The following ZFYVE26 variants were observed in gnomAD, a reference collection of about 807,000 sequenced individuals.
The protein encoded by ZFYVE26 is zinc finger FYVE-type containing 26.
Under a neutral mutation model 276.5 loss-of-function variants are expected in ZFYVE26, and 181 were observed. The ratio of observed to expected loss-of-function variants is 0.65; its 90% CI spans 0.58 to 0.74. ZFYVE26 has a LOEUF of 0.74. Among genes scored for constraint, ZFYVE26 ranks in the 30% least tolerant of loss-of-function variants. ZFYVE26 has a pLI of 0.00. For missense variants in ZFYVE26, 2,821 were observed against 3,097.9 expected, an observed-to-expected ratio of 0.91 and a Z score of 2.12; for synonymous variants, 1,129 against 1,203.1, an observed-to-expected ratio of 0.94 and a Z score of 1.27.
At chr14:67,743,443 A>G (rs1405802172), downstream of ZFYVE26, among the ~76,000 whole-genome samples, 1 of 151,980 alleles carries the variant, frequency 6.6e-6, no homozygotes, top group Non-Finnish European at 1.5e-5. Context: ...GTGAGCTGTG[A>G]TCACACCACT....
exon 14 of ZFYVE26, chr14:67,729,673 G>A: frequency 1.7e-6 from 1 of 587,064 alleles, no homozygotes; most frequent in Non-Finnish European, 3.2e-6. Context: ...TTATGCCATG[G>A]AGATCTGGAT....
chr14:67,769,717 T>C lies in ZFYVE26; in HGVS notation c.5498A>G (p.His1833Arg). ...TAGCCGGCCACAGCGGCGACAATGA[T>C]GACGCCTGTTAAACTGAGGAATGCC... The part of the protein sequence containing the change: ...REHFTMFNRR[H>R]HCRRCGRLVC... Residue 1833 changes from histidine to arginine, a missense_variant, in exon 29 of 42, where the codon CAT (histidine) becomes CGT (arginine). His to Arg is a conservative substitution (Grantham distance 29). Transcript: ENST00000347230. 6.2e-7 allele frequency: 1 copy of C among 1,614,060 alleles called. No homozygotes were observed.
At chr14:67,806,242 T>C (rs1434886520) in intron 6 of ZFYVE26, among the ~76,000 whole-genome samples, 1 of 152,218 alleles carries the variant, frequency 6.6e-6, no homozygotes, top group Non-Finnish European at 1.5e-5. Flanking sequence ...AATTCTCCTG[T>C]CAGCTAGGCA....
rs781144742 is a variant in ZFYVE26, at chr14:67,762,379, C to T, written c.6193G>A (p.Ala2065Thr). Residue 2065 changes from alanine (A) to threonine (T), a missense_variant, in exon 34 of 42, where the codon GCG becomes ACG. Ala to Thr is a moderately conservative substitution (Grantham distance 58, BLOSUM62 0). Coordinates refer to ENST00000347230, the MANE Select transcript of ZFYVE26 (RefSeq NM_015346.4). ...STKTGLDTTG[A>T]WHAWGMACLK... is the part of the protein sequence containing the mutation. ...CAGGCCATGCCCCAAGCATGCCACG[C>T]CCCGGTGGTATCAAGCCCAGTCTTT... The T allele has an allele frequency of 6.2e-7, 1 of 1,614,124 alleles. No individual in the cohort carries two copies. Among genetic ancestry groups the T allele is most frequent in the Admixed American group, 1.7e-5 (1 of 60,014 alleles).
intron 5 of ZFYVE26, 148 bp from the exon 6 acceptor site, chr14:67,806,823 A>T: frequency 1.1e-6 from 1 of 937,180 alleles, no homozygotes; most frequent in Non-Finnish European, 1.6e-6. Flanking sequence ...TATCTTAAAG[A>T]ATCTTTACTT....
intron 39 of ZFYVE26, among the ~76,000 whole-genome samples, chr14:67,753,100 T>C (rs750226849): frequency 6.6e-6 from 1 of 152,160 alleles, no homozygotes; most frequent in African/African-American, 2.4e-5. Flanking sequence ...TGACTAATCA[T>C]GTATGAAGCC....
At chr14:67,795,491 A>G (rs1156746049) in intron 12 of ZFYVE26, among the ~76,000 whole-genome samples, 2 of 152,214 alleles carry the variant, frequency 1.3e-5, no homozygotes, top group African/African-American at 4.8e-5. Flanking sequence ...GCAGGGTCGC[A>G]GGTCACTTTA....
Position 67,780,348 on chromosome 14 carries a change from A to G in ZFYVE26, c.4570-3T>C. 1 of 1,611,754 alleles carries G rather than the reference A, an allele frequency of 6.2e-7. No homozygotes were observed. Among genetic ancestry groups the G allele is most frequent in the Non-Finnish European group, 8.5e-7 (1 of 1,179,004 alleles). On this transcript the variant is annotated splice_polypyrimidine_tract_variant and splice_region_variant and intron_variant, in intron 22 of 41. Transcript: ENST00000347230. ...GGGGGAGACTGCAAACCCAGAATCT[A>G]AGGAAAGACAAGAAAATCCGTCAAA...
At position 67,746,559 on chromosome 14, in the gene ZFYVE26, A is replaced by C. The variant is rs959227812; in HGVS notation, c.*1877T>G. The stretch of plus-strand genomic sequence containing the variant: ...CACTTTATTGTGGCTTGTTTGTAGT[A>C]AAACATTCAACCCCTCAACATGGGT... On this transcript the variant is annotated 3_prime_UTR_variant, in exon 42 of 42. Coordinates refer to ENST00000347230, the MANE Select transcript of ZFYVE26 (RefSeq NM_015346.4). 6 of 152,200 alleles carry C rather than the reference A, an allele frequency of 3.9e-5. No homozygotes were observed. The highest frequency in any genetic ancestry group is 2.6e-4 in the Admixed American group (4 of 15,272). 9.4% of individuals were successfully genotyped at this position (152,200 alleles called of 1,614,324 possible). A position where few individuals can be genotyped will look rare whatever the true frequency, so the allele number is the denominator to read the frequency against.
Position 67,766,389 on chromosome 14 carries a change from C to T in ZFYVE26, c.5849G>A (p.Cys1950Tyr). The T allele has an allele frequency of 6.2e-7, 1 of 1,612,722 alleles. No homozygotes were observed. Among genetic ancestry groups the T allele is most frequent in the Non-Finnish European group, 8.5e-7 (1 of 1,180,030 alleles). Residue 1950 changes from cysteine to tyrosine, a missense_variant, in exon 32 of 42, where the codon TGT becomes TAT. Cys to Tyr is a radical substitution (Grantham distance 194). Coordinates refer to ENST00000347230, the MANE Select transcript of ZFYVE26 (RefSeq NM_015346.4). ...GCAGTGCTCAATCAGCTGGTGACCA[C>T]AGGCAATGCTGTCCCGGTGCAGATT... is the stretch of plus-strand genomic sequence containing the variant. ...ILNLHRDSIA[C>Y]GHQLIEHCCR...
intron 39 of ZFYVE26, 150 bp downstream of exon 39, chr14:67,753,557 G>A (rs2038702694): frequency 2.2e-6 from 2 of 898,212 alleles, no homozygotes; most frequent in East Asian, 5.4e-5. Context: ...ATTTGACCCA[G>A]TTCTGTAACA....
At chr14:67,775,299 A>G (rs938916693) in intron 26 of ZFYVE26, among the ~76,000 whole-genome samples, 185 bp from the exon 27 acceptor site, 2 of 152,218 alleles carry the variant, frequency 1.3e-5, no homozygotes, top group African/African-American at 2.4e-5. Context: ...AACGCCTCGA[A>G]AAACAAACCA....
Position 67,789,613 on chromosome 14 carries a change from G to A in ZFYVE26, c.2756-15C>T. 2.5e-6 allele frequency: 4 copies of A among 1,614,010 alleles called. No individual in the cohort carries two copies. The highest frequency in any genetic ancestry group is 2.5e-6 in the Non-Finnish European group (3 of 1,180,046). On this transcript the variant is annotated splice_polypyrimidine_tract_variant and intron_variant, in intron 15 of 41. Coordinates refer to ENST00000347230, the MANE Select transcript of ZFYVE26 (RefSeq NM_015346.4). The stretch of plus-strand genomic sequence containing the variant: ...AAACACCATTCCTGGCCGCCCAGCA[G>A]AGGAATAAAAAGCAAAGGGTTAAAA...
chr14:67,789,582 A>G lies in ZFYVE26; in HGVS notation c.2772T>C (p.Ser924=), dbSNP rs1165516715. The G allele has an allele frequency of 1.9e-6, 3 of 1,614,090 alleles. No individual in the cohort carries two copies. Among genetic ancestry groups the G allele is most frequent in the Non-Finnish European group, 2.5e-6 (3 of 1,180,048 alleles). ...GCAGCTTGTCAGTCACGTCAGAGAT[A>G]GAGTAAAACACCATTCCTGGCCGCC... ...SAAAAGMVFY[S]ISDVTDKLLN... is the part of the protein sequence containing the mutation. Residue 924 remains serine (S), a synonymous_variant, in exon 16 of 42, where the codon TCT becomes TCC. Coordinates refer to ENST00000347230, the MANE Select transcript of ZFYVE26 (RefSeq NM_015346.4).
chr14:67,782,238 T>C (rs2039519069), intron 21 of ZFYVE26, among the ~76,000 whole-genome samples: 1 of 152,212 alleles, frequency 6.6e-6, no homozygotes, highest in African/African-American at 2.4e-5. Flanking sequence ...CGTCAGAATT[T>C]CCTGGGGAGC....
rs915986993 is a variant in ZFYVE26, at chr14:67,806,607, C to A, written c.955G>T (p.Ala319Ser). The change falls in exon 6 of 42, where the codon GCT becomes TCT. Residue 319 changes from alanine (A) to serine (S), a missense_variant. Ala to Ser is a moderately conservative substitution (Grantham distance 99, BLOSUM62 1). Transcript: ENST00000347230. ...ALFSNPNPAE[A>S]WKVAYFYCLS... is the part of the protein sequence containing the mutation. ...CAGTAGAAATAGGCCACTTTCCAAG[C>A]CTCGGCTGGGTTGGGATTGGAGAAC... 3.1e-6 allele frequency: 5 copies of A among 1,614,198 alleles called. No individual in the cohort carries two copies. Among genetic ancestry groups the A allele is most frequent in the Non-Finnish European group, 4.2e-6 (5 of 1,180,034 alleles).
chr14:67,775,016 C>T lies in ZFYVE26; in HGVS notation c.5320G>A (p.Gly1774Ser), dbSNP rs372819280. The change falls in exon 27 of 42, where the codon GGT (glycine) becomes AGT (serine). Residue 1774 changes from glycine (G) to serine (S), a missense_variant and splice_region_variant. Transcript: ENST00000347230. ...SAEFSPAAPPGISSIHSPSLR... is the reference protein window; with the variant it reads ...SAEFSPAAPPSISSIHSPSLR... ...GTGAATCATCAGAGCCAGTTCTTAC[C>T]AGGAGGAGCAGCAGGAGAGAACTCT... is the stretch of plus-strand genomic sequence containing the variant. 6.1e-5 allele frequency: 98 copies of T among 1,606,910 alleles called. No individual in the cohort carries two copies. Among genetic ancestry groups the T allele is most frequent in the Non-Finnish European group, 7.7e-5 (90 of 1,176,216 alleles).
At chr14:67,806,409 G>A (rs2040181257) in intron 6 of ZFYVE26, 136 bp downstream of exon 6, 2 of 1,068,026 alleles carry the variant, frequency 1.9e-6, no homozygotes, top group African/African-American at 1.6e-5. Flanking sequence ...GGGACTGTGG[G>A]AGGGACAAAA....
At chr14:67,772,573 A>T (rs7140611) in intron 27 of ZFYVE26, among the ~76,000 whole-genome samples, 142,263 of 152,184 alleles carry the variant, frequency 0.93, 67,210 homozygotes, top group South Asian at 1. Context: ...AAATGACTAG[A>T]CTCCTCCACA....
Sources: gnomAD v4.1 joint callset for allele counts (sites outside exome capture counted in the v4.1 genomes callset) on GRCh38, gnomAD v4.1.1 for gene constraint, MANE v1.5 for transcripts, NCBI Gene and HGNC (gene_info 2026-07-23, HGNC 2026-07-21) for gene names.